WDR43: variants seen among roughly 807,000 people sequenced by gnomAD.
WDR43 encodes the protein WD repeat domain 43, also known as WD repeat-containing protein 43.
WDR43 carries 13 observed loss-of-function variants against 91.4 expected under a neutral mutation model. The observed-to-expected ratio is 0.14, with a 90% CI of 0.09 to 0.23. The LOEUF is 0.23. Ranked by LOEUF, WDR43 falls within the 10% of genes least tolerant of loss-of-function variation. The pLI is 1.00. For missense variants in WDR43, 780 were observed against 809.4 expected, an observed-to-expected ratio of 0.96 and a Z score of 0.44; for synonymous variants, 331 against 287.9, an observed-to-expected ratio of 1.15 and a Z score of -1.51.
At chr2:28,897,798 T>C (rs539122716) in intron 1 of WDR43, among the ~76,000 whole-genome samples, 40 of 152,334 alleles carry the variant, frequency 2.6e-4, no homozygotes, top group Non-Finnish European at 1.8e-4. Context: ...GATTGTCACC[T>C]CTTGTTGGTC....
chr2:28,930,790 C>T (rs945058209), intron 11 of WDR43, among the ~76,000 whole-genome samples: 2 of 152,096 alleles, frequency 1.3e-5, no homozygotes, highest in Non-Finnish European at 2.9e-5. Context: ...TAGAATAGTA[C>T]AGTGGACCAT....
chr2:28,912,623 C>T lies in WDR43; in HGVS notation c.519C>T (p.Ser173=), dbSNP rs116933549. The T allele has an allele frequency of 8.8e-5, 142 of 1,613,744 alleles. 2 individuals are homozygous for T. In the Admixed American group the frequency reaches 2.3e-3, roughly 26 times the overall value. Residue 173 remains serine (S), a synonymous_variant, in exon 4 of 18, where the codon TCC becomes TCT. Coordinates refer to ENST00000407426, the MANE Select transcript of WDR43 (RefSeq NM_015131.3). Reference sequence around the variant, plus strand: ...AAGGCGACAATAGCAGTGTCAGTTCCCTATGTATCAGCCCAGATGGAAAGA... The same window carrying T: ...AAGGCGACAATAGCAGTGTCAGTTCTCTATGTATCAGCCCAGATGGAAAGA... ...KWKGDNSSVS[S]LCISPDGKML...
At chr2:28,904,132 C>G (rs1477433799) in intron 2 of WDR43, among the ~76,000 whole-genome samples, 3 of 151,988 alleles carry the variant, frequency 2.0e-5, no homozygotes, top group Non-Finnish European at 4.4e-5. Context: ...CATTTCACAA[C>G]CTTACAAGAT....
At chr2:28,904,457 G>A (rs1441124476) in intron 2 of WDR43, among the ~76,000 whole-genome samples, 4 of 152,194 alleles carry the variant, frequency 2.6e-5, no homozygotes, top group Non-Finnish European at 4.4e-5. Flanking sequence ...TGAACACATC[G>A]CTAAATTGCT....
chr2:28,909,347 G>A (rs953322655), intron 3 of WDR43, among the ~76,000 whole-genome samples: 5 of 152,036 alleles, frequency 3.3e-5, no homozygotes, highest in South Asian at 2.1e-4. Context: ...TGGTCAGGCT[G>A]GTCTCGAACT....
intron 12 of WDR43, 164 bp downstream of exon 12, chr2:28,935,771 G>C (rs1307239310): frequency 5.3e-6 from 2 of 376,128 alleles, no homozygotes; most frequent in Non-Finnish European, 9.3e-6. Flanking sequence ...AAAAAAAAGT[G>C]AAATTAATTC....
chr2:28,920,100 C>T (rs1459564581), intron 6 of WDR43, among the ~76,000 whole-genome samples: 2 of 152,040 alleles, frequency 1.3e-5, no homozygotes, highest in African/African-American at 2.4e-5. Context: ...CCTGTCTCGG[C>T]CTCCCAAAGT....
rs1254975123 is a variant in WDR43, at chr2:28,926,484, A to G, written c.1103A>G (p.Glu368Gly). The G allele has an allele frequency of 6.3e-6, 10 of 1,585,482 alleles. No individual in the cohort carries two copies. In the East Asian group the frequency reaches 2.2e-4, roughly 36 times the overall value. ...TATTTTCAGGCTTTAAACTCCAGAG[A>G]ACCTCATATGTGTTTAGTAAGAGAT... ...TIERVALNSR[E>G]PHMCLVRDIS... is the part of the protein sequence containing the mutation. Residue 368 changes from glutamate to glycine, a missense_variant, in exon 9 of 18, where the codon GAA (glutamate) becomes GGA (glycine). Transcript: ENST00000407426.
At chr2:28,937,811 C>T in intron 13 of WDR43, 120 bp from the exon 14 acceptor site, 1 of 869,890 alleles carries the variant, frequency 1.1e-6, no homozygotes, top group Admixed American at 2.3e-5. Flanking sequence ...ATATTTATTA[C>T]AGTCATTTTC....
intron 16 of WDR43, among the ~76,000 whole-genome samples, chr2:28,943,244 C>T (rs1042492106): frequency 6.6e-6 from 1 of 151,604 alleles, no homozygotes; most frequent in African/African-American, 2.4e-5. Context: ...CTCAAGCGAT[C>T]ATCCTGCTTC....
chr2:28,930,953 A>G (rs1243753200), intron 11 of WDR43, among the ~76,000 whole-genome samples: 1 of 152,192 alleles, frequency 6.6e-6, no homozygotes, highest in Non-Finnish European at 1.5e-5. Context: ...TTCAACTTAA[A>G]ACATCCTTTA....
At chr2:28,923,648 A>G (rs1177642703) in intron 7 of WDR43, among the ~76,000 whole-genome samples, 2 of 152,198 alleles carry the variant, frequency 1.3e-5, no homozygotes, top group African/African-American at 2.4e-5. Context: ...AAAAAAGTGT[A>G]TACTCATTTC....
At chr2:28,917,065 G>A (rs555249233) in intron 5 of WDR43, among the ~76,000 whole-genome samples, 4 of 152,110 alleles carry the variant, frequency 2.6e-5, no homozygotes, top group East Asian at 1.9e-4. Context: ...CTTGGGGGCC[G>A]TTGTAATTAG....
At chr2:28,899,970 CAG>C (rs1670548648) in intron 1 of WDR43, among the ~76,000 whole-genome samples, 1 of 152,078 alleles carries the variant, frequency 6.6e-6, no homozygotes, top group African/African-American at 2.4e-5. Flanking sequence ...CCAAAAAATA[CAG>C]AGATTTGCAG....
chr2:28,925,456 T>A (rs540054693), intron 8 of WDR43, among the ~76,000 whole-genome samples: 1 of 152,334 alleles, frequency 6.6e-6, no homozygotes, highest in East Asian at 1.9e-4. Flanking sequence ...TAGCCACATT[T>A]CAAGTGCTCA....
At chr2:28,927,119 C>T (rs1475970240) in intron 9 of WDR43, 1 of 519,620 alleles carries the variant, frequency 1.9e-6, no homozygotes, top group South Asian at 1.4e-5. Context: ...TCAGAGATGA[C>T]ACCTTTCTCT....
chr2:28,913,971 C>T lies in WDR43; in HGVS notation c.607-98C>T, dbSNP rs983193563. On this transcript the variant is annotated intron_variant, in intron 4 of 17. Coordinates refer to ENST00000407426, the MANE Select transcript of WDR43 (RefSeq NM_015131.3). Reference sequence around the variant, plus strand: ...TACTTCATCGTGGAGCTCTCCTTTCCGATATGTATCACATATGGCTTGTTT... The same window carrying T: ...TACTTCATCGTGGAGCTCTCCTTTCTGATATGTATCACATATGGCTTGTTT... 3.6e-5 allele frequency: 50 copies of T among 1,391,214 alleles called. 2 individuals carry two copies. The highest frequency in any genetic ancestry group is 1.4e-4 in the Admixed American group (7 of 50,030). 86.2% of individuals were successfully genotyped at this position (1,391,214 alleles called of 1,614,324 possible).
intron 1 of WDR43, 145 bp downstream of exon 1, chr2:28,895,068 G>T (rs1053790454): frequency 1.3e-6 from 1 of 782,764 alleles, no homozygotes; most frequent in African/African-American, 1.8e-5. Flanking sequence ...CGCGTTCAGG[G>T]CCCAAGCCGC....
intron 3 of WDR43, 78 bp downstream of exon 3, chr2:28,906,659 A>G (rs1486564460): frequency 6.6e-7 from 1 of 1,515,598 alleles, no homozygotes; most frequent in South Asian, 1.3e-5. Context: ...AGACATTAAT[A>G]AGGTTATAGG....
Sources: gnomAD v4.1 joint callset for allele counts (sites outside exome capture counted in the v4.1 genomes callset) on GRCh38, gnomAD v4.1.1 for gene constraint, MANE v1.5 for transcripts, NCBI Gene and HGNC (gene_info 2026-07-23, HGNC 2026-07-21) for gene names.